The following SLC38A7 variants were observed in gnomAD, a reference collection of about 807,000 sequenced individuals.
SLC38A7 encodes the protein solute carrier family 38 member 7.
Under a neutral mutation model 50.1 loss-of-function variants are expected in SLC38A7, and 29 were observed. The ratio of observed to expected loss-of-function variants is 0.58; its 90% confidence interval spans 0.43 to 0.79. The LOEUF (loss-of-function observed/expected upper bound fraction) is 0.79, where lower values mean the gene tolerates loss of function less well. SLC38A7 is among the 30% of genes least tolerant of loss of function. The pLI is 0.00. For synonymous variants in SLC38A7, 244 were observed against 245.9 expected (o/e 0.99, Z 0.07); for missense variants, 483 against 610.6 (o/e 0.79, Z 2.20).
At chr16:58,671,986 C>T in intron 9 of SLC38A7, 110 bp downstream of exon 9, 5 of 1,312,034 alleles carry the variant, frequency 3.8e-6, no homozygotes, top group Non-Finnish European at 5.1e-6. Context: ...CTCTTTTCTA[C>T]AGGCTTCAGT....
chr16:58,670,213 TC>T, intron 10 of SLC38A7, 46 bp from the exon 11 acceptor site: 1 of 1,564,036 alleles, frequency 6.4e-7, no homozygotes, highest in Non-Finnish European at 8.8e-7. Flanking sequence ...GGGAGAGGGC[TC>T]CCTCCCTCCT....
chr16:58,679,211 G>A (rs933446091), intron 3 of SLC38A7, among the ~76,000 whole-genome samples: 2 of 152,070 alleles, frequency 1.3e-5, no homozygotes, highest in Admixed American at 6.6e-5. Flanking sequence ...GGCCAACATG[G>A]TAAAACCCCG....
rs1281761760 is a variant in SLC38A7, at chr16:58,678,674, A to G, written c.469+22T>C. On this transcript the variant is annotated intron_variant, in intron 4 of 11. Coordinates refer to ENST00000219320, the MANE Select transcript of SLC38A7 (RefSeq NM_018231.3). This position sits in a 1 kb window ranked among gnomAD's most constrained non-coding sequence, Gnocchi z 4.0. The stretch of plus-strand genomic sequence containing the variant: ...TGGGGCTGATAAGAAGAGATGGGGT[A>G]GGGACTGAGGGAGAAGCTCACTCTT... The G allele has an allele frequency of 1.2e-6, 2 of 1,612,230 alleles. No homozygotes were observed. The highest frequency in any genetic ancestry group is 2.2e-5 in the South Asian group (2 of 90,894).
chr16:58,677,958 T>G (rs2044304276), intron 5 of SLC38A7, among the ~76,000 whole-genome samples: 1 of 151,252 alleles, frequency 6.6e-6, no homozygotes, highest in South Asian at 2.1e-4. Context: ...CCTTCCTTCA[T>G]GCCAAGCTGC....
chr16:58,683,390 G>C (rs1422550267), intron 2 of SLC38A7, among the ~76,000 whole-genome samples: 2 of 152,214 alleles, frequency 1.3e-5, no homozygotes, highest in African/African-American at 4.8e-5. Context: ...GGGAAAGGGT[G>C]AAAGTTCATG....
chr16:58,674,535 C>T (rs921246295), intron 8 of SLC38A7, among the ~76,000 whole-genome samples: 1 of 152,122 alleles, frequency 6.6e-6, no homozygotes, highest in Non-Finnish European at 1.5e-5. Flanking sequence ...CCTTGGCCTC[C>T]CATAGCTGAG....
chr16:58,677,488 G>T, intron 5 of SLC38A7, 64 bp from the exon 6 acceptor site: 1 of 1,418,716 alleles, frequency 7.0e-7, no homozygotes, highest in Non-Finnish European at 9.9e-7. Flanking sequence ...TCCACCCCTA[G>T]GGACATCCAC....
In SLC38A7 at chr16:58,678,437, G is replaced by A. The variant is rs754650697; in HGVS notation, c.507C>T (p.Ser169=). 19 of 1,578,698 alleles carry A rather than the reference G, an allele frequency of 1.2e-5. No homozygotes were observed. The African/African-American group carries it at 1.5e-4, about 12-fold the overall frequency. ...AVMAKEPEGA[S]GPWYTDRKFT... ...ACTTGCGGTCTGTGTACCAAGGGCC[G>A]CTGGCCCCCTCCGGCTCTTTCGCCA... Residue 169 remains serine (S), a synonymous_variant, in exon 5 of 12, where the codon AGC becomes AGT. Transcript: ENST00000219320. This position sits in a 1 kb window ranked among gnomAD's most constrained non-coding sequence, Gnocchi z 4.0.
chr16:58,669,455 A>G (rs8044347), intron 11 of SLC38A7, among the ~76,000 whole-genome samples: 91,353 of 151,888 alleles, frequency 0.6, 29,121 homozygotes, highest in African/African-American at 0.83. Context: ...CCCTGCATCT[A>G]TGTATACATC....
At chr16:58,674,387 C>A (rs938260059) in intron 8 of SLC38A7, among the ~76,000 whole-genome samples, 2 of 151,968 alleles carry the variant, frequency 1.3e-5, no homozygotes, top group Non-Finnish European at 2.9e-5. Context: ...AGCGATCCTC[C>A]CACCTCAGCC....
At position 58,670,965 on chromosome 16, in the gene SLC38A7, A is replaced by G. The variant is rs1414634058; in HGVS notation, c.1231+80T>C. ...TGGTTACTCTCTCCTGCATGTTTTGAGCAAGTAGGGAGCTGAGGCTAGGCA... is the reference window on the plus strand; with the variant it reads ...TGGTTACTCTCTCCTGCATGTTTTGGGCAAGTAGGGAGCTGAGGCTAGGCA... On this transcript the variant is annotated intron_variant, in intron 10 of 11. Transcript: ENST00000219320. 3 of 1,477,372 alleles carry G rather than the reference A, an allele frequency of 2.0e-6. No homozygotes were observed. In the African/African-American group the frequency reaches 4.2e-5, roughly 21 times the overall value. The allele number at this position is 1,477,372 out of a possible 1,614,324, so 91.5% of individuals were successfully genotyped here.
At chr16:58,667,649 G>A (rs1256411450) in intron 11 of SLC38A7, among the ~76,000 whole-genome samples, 162 bp from the exon 12 acceptor site, 2 of 152,152 alleles carry the variant, frequency 1.3e-5, no homozygotes, top group Non-Finnish European at 2.9e-5. Context: ...GTGGGGCCAG[G>A]TGTATTGTCC....
intron 8 of SLC38A7, among the ~76,000 whole-genome samples, chr16:58,673,535 T>G (rs1458318823): frequency 2.0e-5 from 3 of 151,778 alleles, no homozygotes; most frequent in Non-Finnish European, 2.9e-5. Context: ...GCCCTAATTT[T>G]TTTATTTTTA....
rs2044307294 is a variant in SLC38A7, at chr16:58,678,092, C to CTACT, written c.611+237_611+240dup. Among the ~76,000 whole-genome samples, 1 of 152,190 alleles carries CTACT rather than the reference C, an allele frequency of 6.6e-6. No homozygotes were observed. Among genetic ancestry groups the CTACT allele is most frequent in the Non-Finnish European group, 1.5e-5 (1 of 68,042 alleles). ...TTTGACAAGGGCACTTAGAACTGAA[C>CTACT]TACTCATGGATGCAAAAGGACATTT... On this transcript the variant is annotated intron_variant, in intron 5 of 11. Transcript: ENST00000219320. The surrounding 1 kb of genome is among the most constrained non-coding windows in gnomAD (Gnocchi z 4.0).
In SLC38A7 at chr16:58,665,861, A is replaced by T. The variant is rs2044026504; in HGVS notation, c.*1524T>A. On this transcript the variant is annotated 3_prime_UTR_variant, in exon 12 of 12. Transcript: ENST00000219320. The stretch of plus-strand genomic sequence containing the variant: ...CAGGCCTGATGGACGTGCGTTGCTG[A>T]GGAGGCTGGTAAGAGAGCCCCCACT... 6.6e-6 allele frequency: 1 copy of T among 152,488 alleles called. No individual in the cohort carries two copies. The highest frequency in any genetic ancestry group is 3.2e-3 in the Middle Eastern group (1 of 316). 9.4% of individuals were successfully genotyped at this position (152,488 alleles called of 1,614,324 possible). A position where few individuals can be genotyped will look rare whatever the true frequency, so the allele number is the denominator to read the frequency against.
At position 58,666,671 on chromosome 16, in the gene SLC38A7, T is replaced by C. The variant is rs1050506349; in HGVS notation, c.*714A>G. 1 of 152,772 alleles carries C rather than the reference T, an allele frequency of 6.5e-6. No individual in the cohort carries two copies. Among genetic ancestry groups the C allele is most frequent in the South Asian group, 2.1e-4 (1 of 4,834 alleles). 9.5% of individuals were successfully genotyped at this position (152,772 alleles called of 1,614,324 possible). On this transcript the variant is annotated 3_prime_UTR_variant, in exon 12 of 12. Coordinates refer to ENST00000219320, the MANE Select transcript of SLC38A7 (RefSeq NM_018231.3). ...ACAGCACCGTGGCACGGGACGGCCCTTGGCTTCAGAGCCGGGCTGGCACCG... is the reference window on the plus strand; with the variant it reads ...ACAGCACCGTGGCACGGGACGGCCCCTGGCTTCAGAGCCGGGCTGGCACCG...
At position 58,679,513 on chromosome 16, in the gene SLC38A7, T is replaced by C. The variant is rs545951197; in HGVS notation, c.270+344A>G. On this transcript the variant is annotated intron_variant, in intron 3 of 11. Coordinates refer to ENST00000219320, the MANE Select transcript of SLC38A7 (RefSeq NM_018231.3). ...CCCTTCCCTCCCACTCTGCATTTAT[T>C]GTGAAGCCAATATAAGCTATCATAT... is the stretch of plus-strand genomic sequence containing the variant. 2.0e-5 allele frequency: 10 copies of C among 508,304 alleles called. No individual in the cohort carries two copies. In the South Asian group the frequency reaches 3.6e-4, roughly 18 times the overall value. The allele number at this position is 508,304 out of a possible 1,614,324, so 31.5% of individuals were successfully genotyped here.
chr16:58,670,108 T>G lies in SLC38A7; in HGVS notation c.1286+5A>C. On this transcript the variant is annotated splice_donor_5th_base_variant and intron_variant, in intron 11 of 11. Transcript: ENST00000219320. The stretch of plus-strand genomic sequence containing the variant: ...GAGAGGATCAAGGGCTGGGTCCTGC[T>G]TTACCTGGCTGGTTTGACCTCTTCC... 1 of 1,614,130 alleles carries G rather than the reference T, an allele frequency of 6.2e-7. No individual in the cohort carries two copies. Among genetic ancestry groups the G allele is most frequent in the Non-Finnish European group, 8.5e-7 (1 of 1,179,974 alleles).
chr16:58,675,767 C>T (rs1402356859), intron 8 of SLC38A7, among the ~76,000 whole-genome samples, 173 bp downstream of exon 8: 2 of 152,120 alleles, frequency 1.3e-5, no homozygotes, highest in Non-Finnish European at 2.9e-5. Context: ...ATGAATACAC[C>T]ACTCTCATCT....
Sources: allele counts gnomAD v4.1 joint callset (sites outside exome capture counted in the v4.1 genomes callset), GRCh38; gene constraint gnomAD v4.1.1; non-coding constraint Gnocchi (gnomAD v3.1); transcripts MANE v1.5; gene names NCBI Gene and HGNC (gene_info 2026-07-23, HGNC 2026-07-21).